The following ABCA5 variants were observed in gnomAD, a reference collection of about 807,000 sequenced individuals.
ABCA5 encodes the protein cholesterol transporter ABCA5.
In ABCA5, 163 loss-of-function variants were observed where a neutral mutation model predicts 206.0. That is an observed-to-expected ratio of 0.79 (90% CI 0.70 to 0.90). The LOEUF (loss-of-function observed/expected upper bound fraction) is 0.90, where lower values mean the gene tolerates loss of function less well. Among genes scored for constraint, ABCA5 ranks in the 40% least tolerant of loss-of-function variants. ABCA5 has a pLI of 0.00. For missense variants in ABCA5, 1,859 were observed against 1,912.9 expected, an observed-to-expected ratio of 0.97 and a Z score of 0.53; for synonymous variants, 609 against 613.8, an observed-to-expected ratio of 0.99 and a Z score of 0.11.
In ABCA5 at chr17:69,247,523, C is replaced by T. The variant is rs373160230; in HGVS notation, c.*14G>A. ...AAGAAAGAAGTCCCAGTAAGCAGAC[C>T]GAACAATACAAATTCAAAATACTAC... is the stretch of plus-strand genomic sequence containing the variant. On this transcript the variant is annotated 3_prime_UTR_variant, in exon 39 of 39. Coordinates refer to ENST00000392676, the MANE Select transcript of ABCA5 (RefSeq NM_172232.4). 340 of 1,533,152 alleles carry T rather than the reference C, an allele frequency of 2.2e-4. 1 individual carries two copies. Among genetic ancestry groups the T allele is most frequent in the Middle Eastern group, 8.5e-4 (5 of 5,914 alleles). The allele number at this position is 1,533,152 out of a possible 1,614,324, so 95.0% of individuals were successfully genotyped here.
chr17:69,278,672 A>G (rs2075358917), intron 18 of ABCA5, among the ~76,000 whole-genome samples: 1 of 152,236 alleles, frequency 6.6e-6, no homozygotes, highest in Non-Finnish European at 1.5e-5. Context: ...TCATTTTAAT[A>G]TTTAATATTC....
At chr17:69,277,489 T>C (rs534137939) in intron 19 of ABCA5, 152 bp downstream of exon 19, 10 of 563,082 alleles carry the variant, frequency 1.8e-5, no homozygotes, top group Non-Finnish European at 2.9e-5. Context: ...TTATTGTAAT[T>C]TTTTTCTCTA....
At position 69,277,848 on chromosome 17, in the gene ABCA5, T is replaced by C. The variant is rs2075351139; in HGVS notation, c.2393-6A>G. The C allele has an allele frequency of 6.7e-7, 1 of 1,494,806 alleles. No individual in the cohort carries two copies. The highest frequency in any genetic ancestry group is 1.4e-5 in the African/African-American group (1 of 69,808). The allele number at this position is 1,494,806 out of a possible 1,614,324, so 92.6% of individuals were successfully genotyped here. ...CTGAGTAAATACACTATAATCTATT[T>C]GCCAAAACAAAACAAACATTTCAGT... On this transcript the variant is annotated splice_polypyrimidine_tract_variant and splice_region_variant and intron_variant, in intron 18 of 38. Coordinates refer to ENST00000392676, the MANE Select transcript of ABCA5 (RefSeq NM_172232.4).
chr17:69,255,580 TTAA>T lies in ABCA5; in HGVS notation c.4028_4030del (p.Ile1343del). On this transcript the variant is annotated inframe_deletion, in exon 31 of 39. Coordinates refer to ENST00000392676, the MANE Select transcript of ABCA5 (RefSeq NM_172232.4). ...TGGTTCAATATCACCAACCAGAATA[TTAA>T]TAATTGTGCTTTTGCCAGCACCATT... 1 of 1,582,208 alleles carries T rather than the reference TTAA, an allele frequency of 6.3e-7. No homozygotes were observed. Among genetic ancestry groups the T allele is most frequent in the Non-Finnish European group, 8.5e-7 (1 of 1,170,520 alleles).
intron 1 of ABCA5, chr17:69,314,686 T>C: frequency 3.1e-6 from 1 of 325,536 alleles, no homozygotes; most frequent in Admixed American, 4.9e-5. Context: ...TTTTCTCCTT[T>C]GGTATCTCCC....
intron 22 of ABCA5, 41 bp downstream of exon 22, chr17:69,270,572 G>T: frequency 6.6e-7 from 1 of 1,508,790 alleles, no homozygotes; most frequent in Admixed American, 2.3e-5. Flanking sequence ...TTATATATAT[G>T]ACATGCATAT....
intron 6 of ABCA5, among the ~76,000 whole-genome samples, chr17:69,306,265 A>T (rs976813693): frequency 2.0e-5 from 3 of 152,164 alleles, no homozygotes; most frequent in Non-Finnish European, 4.4e-5. Flanking sequence ...GAGGGAAAAA[A>T]AGTCCATATA....
Position 69,251,630 on chromosome 17 carries a change from A to G in ABCA5, c.4535+117T>C, listed in dbSNP as rs1376447143. 6.4e-6 allele frequency: 9 copies of G among 1,404,290 alleles called. No homozygotes were observed. In the East Asian group the frequency reaches 2.0e-4, roughly 32 times the overall value. 87.0% of individuals were successfully genotyped at this position (1,404,290 alleles called of 1,614,324 possible). On this transcript the variant is annotated intron_variant, in intron 35 of 38. Coordinates refer to ENST00000392676, the MANE Select transcript of ABCA5 (RefSeq NM_172232.4). ...AAGTCAATCTATCAAAAGCTAACTC[A>G]AAAACTAAAATATTTAACATTTAAA...
intron 13 of ABCA5, 71 bp downstream of exon 13, chr17:69,289,791 T>C (rs2075503708): frequency 6.6e-6 from 8 of 1,208,222 alleles, no homozygotes; most frequent in South Asian, 1.5e-5. Context: ...CATATTTTTA[T>C]TGCACAAGTC....
At chr17:69,298,220 G>T (rs555782840) in intron 9 of ABCA5, among the ~76,000 whole-genome samples, 1 of 77,626 alleles carries the variant, frequency 1.3e-5, no homozygotes, top group Admixed American at 1.5e-4. Flanking sequence ...CGGAAGGAAG[G>T]AAGGTAGGTA....
At position 69,254,409 on chromosome 17, in the gene ABCA5, G is replaced by C. The variant is rs1293775552; in HGVS notation, c.4150C>G (p.Pro1384Ala). ...TGCAATGTAGTATCTGGCCACAAAG[G>C]GTTTATCTGAGGACAGTAACCCATA... ...KCMGYCPQIN[P>A]LWPDTTLQEH... is the part of the protein sequence containing the mutation. Residue 1384 changes from proline to alanine, a missense_variant, in exon 32 of 39, where the codon CCT becomes GCT. Pro to Ala is a conservative substitution (Grantham distance 27, BLOSUM62 -1). Transcript: ENST00000392676. The C allele has an allele frequency of 2.5e-6, 4 of 1,613,290 alleles. No individual in the cohort carries two copies. In the South Asian group the frequency reaches 4.4e-5, roughly 18 times the overall value.
At chr17:69,317,353 T>C (rs2075826293) in intron 1 of ABCA5, 3 of 141,834 alleles carry the variant, frequency 2.1e-5, no homozygotes, top group Admixed American at 1.5e-4. Context: ...TGAGCTGAGA[T>C]TGCACCACTG....
rs2074963319 is a variant in ABCA5 at position 69,247,436 on chromosome 17, T to C, written c.*101A>G. 2.7e-6 allele frequency: 2 copies of C among 732,266 alleles called. No individual in the cohort carries two copies. The highest frequency in any genetic ancestry group is 4.5e-6 in the Non-Finnish European group (2 of 439,578). The allele number at this position is 732,266 out of a possible 1,614,324, so 45.4% of individuals were successfully genotyped here. ...GCTTAGAAAAATTTCAAGTGCGTTC[T>C]TGGTTCTCCAGTTACCATTCCAATA... On this transcript the variant is annotated 3_prime_UTR_variant, in exon 39 of 39. Transcript: ENST00000392676.
chr17:69,302,856 C>A lies in ABCA5; in HGVS notation c.981G>T (p.Val327=). ...LTPLFKKSKH[V]GIVEFFVTVA... is the part of the protein sequence containing the mutation. The stretch of plus-strand genomic sequence containing the variant: ...CAGTAACAAAAAATTCAACTATTCC[C>A]ACATGTTTTGATTTTTTAAAAAGAG... Residue 327 remains valine, a synonymous_variant, in exon 8 of 39, where the codon GTG becomes GTT. Coordinates refer to ENST00000392676, the MANE Select transcript of ABCA5 (RefSeq NM_172232.4). 1 of 1,581,340 alleles carries A rather than the reference C, an allele frequency of 6.3e-7. No individual in the cohort carries two copies.
chr17:69,297,328 A>G lies in ABCA5; in HGVS notation c.1299T>C (p.Tyr433=), dbSNP rs760791055. The stretch of plus-strand genomic sequence containing the variant: ...TTGACCAATATGAAGGCTTCAGAAA[A>G]TATAAAGATGATCTCCGTAAGCCAA... ...GEFGLRRSSL[Y]FLKPSYWSKS... Residue 433 remains tyrosine (Y), a synonymous_variant, in exon 10 of 39, where the codon TAT becomes TAC. Coordinates refer to ENST00000392676, the MANE Select transcript of ABCA5 (RefSeq NM_172232.4). 1 of 1,606,118 alleles carries G rather than the reference A, an allele frequency of 6.2e-7. No homozygotes were observed. Among genetic ancestry groups the G allele is most frequent in the Non-Finnish European group, 8.5e-7 (1 of 1,178,046 alleles).
In ABCA5 at chr17:69,257,747, A is replaced by G. The variant is rs1013791047; in HGVS notation, c.3732-1464T>C. Among the ~76,000 whole-genome samples the G allele has an allele frequency of 4.6e-5, 7 of 151,976 alleles. No homozygotes were observed. In the East Asian group the frequency reaches 1.3e-3, roughly 29 times the overall value. ...AGAAAAAAATACACTATTGAGATCTAGAAAGGAAAGAGAAAAAGAGAAAAA... is the reference window on the plus strand; with the variant it reads ...AGAAAAAAATACACTATTGAGATCTGGAAAGGAAAGAGAAAAAGAGAAAAA... On this transcript the variant is annotated intron_variant, in intron 28 of 38. Coordinates refer to ENST00000392676, the MANE Select transcript of ABCA5 (RefSeq NM_172232.4).
intron 1 of ABCA5, chr17:69,318,670 C>T: frequency 2.4e-6 from 1 of 420,124 alleles, no homozygotes; most frequent in East Asian, 4.6e-5. Context: ...ATAGAAGATA[C>T]ATTAAAATAA....
At chr17:69,319,946 C>T (rs1238988213) in intron 1 of ABCA5, among the ~76,000 whole-genome samples, 1 of 152,212 alleles carries the variant, frequency 6.6e-6, no homozygotes, top group East Asian at 1.9e-4. Context: ...GCCTCTGCTA[C>T]ATACTAACTT....
chr17:69,271,550 C>CT lies in ABCA5; in HGVS notation c.2765-262dup, dbSNP rs2075274271. ...AAGTGGGTAAAATAAGTATATCTGC[C>CT]TTATAGGTAGAGTGATCATCCTGAG... On this transcript the variant is annotated intron_variant, in intron 20 of 38. Coordinates refer to ENST00000392676, the MANE Select transcript of ABCA5 (RefSeq NM_172232.4). 5.3e-5 allele frequency among the ~76,000 whole-genome samples: 8 copies of CT among 152,054 alleles called. No individual in the cohort carries two copies. In the South Asian group the frequency reaches 1.7e-3, roughly 32 times the overall value.
Sources: gnomAD v4.1 joint callset for allele counts (sites outside exome capture counted in the v4.1 genomes callset) on GRCh38, gnomAD v4.1.1 for gene constraint, MANE v1.5 for transcripts, NCBI Gene and HGNC (gene_info 2026-07-23, HGNC 2026-07-21) for gene names.